The following DCK variants were observed in gnomAD, a reference collection of about 807,000 sequenced individuals.
DCK encodes the protein deoxyadenosine kinase.
A neutral mutation model predicts 38.3 loss-of-function variants in DCK; 23 were observed. That is an observed-to-expected ratio of 0.60 (90% confidence interval 0.43 to 0.85). The LOEUF (loss-of-function observed/expected upper bound fraction) is 0.85. DCK is among the 40% of genes least tolerant of loss of function. The pLI, the probability that DCK is intolerant of heterozygous loss-of-function variation, is 0.00. For synonymous variants in DCK, 108 were observed against 100.6 expected (o/e 1.07, Z -0.44); for missense variants, 259 against 304.4 (o/e 0.85, Z 1.11).
intron 2 of DCK, among the ~76,000 whole-genome samples, chr4:71,016,086 T>G (rs925369637): frequency 2.0e-5 from 3 of 152,094 alleles, no homozygotes; most frequent in African/African-American, 7.2e-5. Context: ...TCAGCAAAGT[T>G]TCAGGATACA....
intron 4 of DCK, among the ~76,000 whole-genome samples, chr4:71,024,404 A>G (rs955588500): frequency 1.3e-5 from 2 of 152,158 alleles, no homozygotes; most frequent in Non-Finnish European, 2.9e-5. Flanking sequence ...ACTAACCTAA[A>G]TATTAAGATC....
chr4:71,011,080 T>C (rs982024527), intron 2 of DCK, among the ~76,000 whole-genome samples: 1 of 151,870 alleles, frequency 6.6e-6, no homozygotes, highest in Admixed American at 6.6e-5. Context: ...GGAGCTGGGA[T>C]TACAGGCATG....
At chr4:71,006,133 CAA>C (rs67497388) in intron 2 of DCK, among the ~76,000 whole-genome samples, 83,855 of 104,400 alleles carry the variant, frequency 0.8, 34,331 homozygotes, top group South Asian at 0.91. Flanking sequence ...ACAAAAACAC[CAA>C]AAAAAAAAAA....
chr4:71,006,124 C>A (rs374530343), intron 2 of DCK, among the ~76,000 whole-genome samples: 136 of 32,442 alleles, frequency 4.2e-3, no homozygotes, highest in Middle Eastern at 0.018. Context: ...ACAGAAAAAA[C>A]AAAAACACCA....
At chr4:71,013,502 C>A (rs532223712) in intron 2 of DCK, among the ~76,000 whole-genome samples, 6 of 152,230 alleles carry the variant, frequency 3.9e-5, no homozygotes, top group African/African-American at 1.4e-4. Context: ...TTAATGGCAG[C>A]CAGAGAGAAA....
chr4:71,018,641 A>G (rs866024766), intron 2 of DCK, among the ~76,000 whole-genome samples: 5 of 151,138 alleles, frequency 3.3e-5, no homozygotes, highest in Admixed American at 6.6e-5. Flanking sequence ...TCAGTTTGGT[A>G]AAGATGATGC....
At chr4:70,996,802 C>T (rs530953105) in intron 1 of DCK, among the ~76,000 whole-genome samples, 1 of 152,314 alleles carries the variant, frequency 6.6e-6, no homozygotes, top group South Asian at 2.1e-4. Flanking sequence ...GACTTACCTG[C>T]TTCTCATCTT....
chr4:71,018,126 C>CTTTTTTTTTTTTTT (rs35755135), intron 2 of DCK, among the ~76,000 whole-genome samples: 1 of 126,836 alleles, frequency 7.9e-6, no homozygotes, highest in Non-Finnish European at 1.6e-5. Context: ...TAGATTATTT[C>CTTTTTTTTTTTTTT]TTTTTTTTTT....
intron 2 of DCK, chr4:71,006,182 G>A (rs1225381694): frequency 2.0e-5 from 3 of 147,208 alleles, no homozygotes; most frequent in African/African-American, 8.1e-5. Flanking sequence ...CTACTATTCA[G>A]TAACTGAATT....
chr4:71,023,981 C>G (rs1560688515), intron 4 of DCK, among the ~76,000 whole-genome samples: 1 of 152,118 alleles, frequency 6.6e-6, no homozygotes, highest in Non-Finnish European at 1.5e-5. Flanking sequence ...TTTGCAGACT[C>G]TTCTCATTCA....
At chr4:71,016,702 A>G (rs189116982) in intron 2 of DCK, among the ~76,000 whole-genome samples, 22 of 152,368 alleles carry the variant, frequency 1.4e-4, no homozygotes, top group Non-Finnish European at 2.8e-4. Flanking sequence ...CCTATTTAAT[A>G]AACGGTGCTG....
intron 2 of DCK, among the ~76,000 whole-genome samples, chr4:71,018,996 A>G (rs377678778): frequency 7.2e-5 from 11 of 152,224 alleles, no homozygotes; most frequent in African/African-American, 1.9e-4. Context: ...TATTCTTAAC[A>G]TTTATAATTG....
intron 2 of DCK, among the ~76,000 whole-genome samples, chr4:71,000,998 C>A (rs1739788388): frequency 6.6e-6 from 1 of 152,128 alleles, no homozygotes; most frequent in African/African-American, 2.4e-5. Context: ...TATCTGAATC[C>A]CCTTTATTTC....
chr4:71,025,554 T>C (rs1740526465), intron 4 of DCK, among the ~76,000 whole-genome samples: 1 of 152,116 alleles, frequency 6.6e-6, no homozygotes, highest in South Asian at 2.1e-4. Context: ...TTTTCTCCTT[T>C]TTATCAAACT....
At chr4:71,014,320 G>T (rs1319207685) in intron 2 of DCK, among the ~76,000 whole-genome samples, 1 of 152,088 alleles carries the variant, frequency 6.6e-6, no homozygotes, top group Non-Finnish European at 1.5e-5. Context: ...AATAATAATG[G>T]GAGACTTTAA....
intron 1 of DCK, 48 bp downstream of exon 1, chr4:70,993,974 A>G (rs1442770443): frequency 7.5e-7 from 1 of 1,337,248 alleles, no homozygotes. Flanking sequence ...GTGTCGCGGC[A>G]GTGGCTGAAG....
chr4:71,010,915 AT>A (rs1472483965), intron 2 of DCK, among the ~76,000 whole-genome samples: 1 of 150,866 alleles, frequency 6.6e-6, no homozygotes, highest in Non-Finnish European at 1.5e-5. Flanking sequence ...AGAACAGCAT[AT>A]TTTTTACTTT....
chr4:71,021,956 C>T (rs766054297), intron 2 of DCK, among the ~76,000 whole-genome samples: 1 of 151,970 alleles, frequency 6.6e-6, no homozygotes, highest in Non-Finnish European at 1.5e-5. Context: ...GAGCTGAAAT[C>T]GTGCCACTGC....
chr4:71,013,335 T>G (rs1236889407), intron 2 of DCK, among the ~76,000 whole-genome samples: 2 of 152,170 alleles, frequency 1.3e-5, no homozygotes, highest in African/African-American at 4.8e-5. Flanking sequence ...AAAACACACT[T>G]CAGGATATTA....
Sources: allele counts gnomAD v4.1 joint callset (sites outside exome capture counted in the v4.1 genomes callset), GRCh38; gene constraint gnomAD v4.1.1; transcripts MANE v1.5; gene names NCBI Gene and HGNC (gene_info 2026-07-23, HGNC 2026-07-21).